Variants in PRKCH observed in about 807,000 individuals in gnomAD.
PRKCH encodes protein kinase C eta, also known as protein kinase C eta type.
PRKCH carries 28 observed loss-of-function variants against 82.5 expected under a neutral mutation model. The observed-to-expected ratio is 0.34, with a 90% confidence interval of 0.25 to 0.47. The LOEUF is 0.47. Ranked by LOEUF, PRKCH falls within the 20% of genes least tolerant of loss-of-function variation. The pLI, the probability that PRKCH is intolerant of heterozygous loss-of-function variation, is 1.00. For synonymous variants in PRKCH, 322 were observed against 327.4 expected (o/e 0.98, Z 0.18); for missense variants, 705 against 881.8 (o/e 0.80, Z 2.54).
At chr14:61,314,618 C>T (rs892497210) in intron 1 of PRKCH, among the ~76,000 whole-genome samples, 1 of 152,194 alleles carries the variant, frequency 6.6e-6, no homozygotes, top group East Asian at 1.9e-4. Flanking sequence ...ATCTCAATCC[C>T]TGGAATCTGT....
intron 1 of PRKCH, among the ~76,000 whole-genome samples, chr14:61,268,815 T>G (rs1457275344): frequency 1.3e-5 from 2 of 152,196 alleles, no homozygotes; most frequent in Non-Finnish European, 2.9e-5. Context: ...GAATGCTAAC[T>G]GGGCATACTT....
chr14:61,432,410 C>T (rs1883451387), intron 2 of PRKCH, among the ~76,000 whole-genome samples: 1 of 152,180 alleles, frequency 6.6e-6, no homozygotes. Flanking sequence ...TCTTCAAGTA[C>T]ATTCTTTATT....
chr14:61,246,010 T>C (rs11628731), intron 1 of PRKCH, among the ~76,000 whole-genome samples: 118,452 of 152,044 alleles, frequency 0.78, 46,983 homozygotes, highest in Non-Finnish European at 0.85. Flanking sequence ...AGACCTGATA[T>C]AAGACCCTCT....
Position 61,321,980 on chromosome 14 carries a change from C to G in PRKCH, c.-122C>G, listed in dbSNP as rs1379723220. 7.2e-6 allele frequency: 8 copies of G among 1,103,726 alleles called. No homozygotes were observed. Among genetic ancestry groups the G allele is most frequent in the Non-Finnish European group, 7.5e-6 (6 of 795,376 alleles). 68.4% of individuals were successfully genotyped at this position (1,103,726 alleles called of 1,614,324 possible). A position where few individuals can be genotyped will look rare whatever the true frequency, so the allele number is the denominator to read the frequency against. On this transcript the variant is annotated 5_prime_UTR_variant, in exon 1 of 14. Coordinates refer to ENST00000332981, the MANE Select transcript of PRKCH (RefSeq NM_006255.5). This position sits in a 1 kb window ranked among gnomAD's most constrained non-coding sequence, Gnocchi z 4.1. ...TGGCCAGTCGAGGGGCGCTTAGGCGCTGCCTTTCCCCAGGGCTGCCTCGAC... is the reference window on the plus strand; with the variant it reads ...TGGCCAGTCGAGGGGCGCTTAGGCGGTGCCTTTCCCCAGGGCTGCCTCGAC...
chr14:61,386,423 A>C (rs745609612), intron 1 of PRKCH, among the ~76,000 whole-genome samples: 6 of 152,182 alleles, frequency 3.9e-5, no homozygotes, highest in Non-Finnish European at 7.3e-5. Flanking sequence ...CCGTTCAGGG[A>C]GGCCAGATGA....
chr14:61,513,897 A>G (rs1293959497), intron 10 of PRKCH, among the ~76,000 whole-genome samples: 2 of 152,114 alleles, frequency 1.3e-5, no homozygotes, highest in African/African-American at 4.8e-5. Flanking sequence ...GATGTGAGAA[A>G]TGTGGAGGGA....
chr14:61,340,339 C>A (rs2045916003), intron 1 of PRKCH, among the ~76,000 whole-genome samples: 1 of 137,042 alleles, frequency 7.3e-6, no homozygotes, highest in Non-Finnish European at 1.5e-5. Flanking sequence ...CCTCATCCCT[C>A]AACCTAGTAA....
intron 10 of PRKCH, among the ~76,000 whole-genome samples, chr14:61,505,943 G>A (rs1003539132): frequency 1.3e-5 from 2 of 152,064 alleles, no homozygotes; most frequent in Non-Finnish European, 2.9e-5. Flanking sequence ...CTAAAGCTCC[G>A]TTAAGAAAGG....
chr14:61,328,985 CA>C (rs112999304), intron 1 of PRKCH, among the ~76,000 whole-genome samples: 1,732 of 117,080 alleles, frequency 0.015, 11 homozygotes, highest in East Asian at 0.034. Context: ...AACCCTGTCT[CA>C]AAAAAAAAAA....
chr14:61,358,243 A>G (rs2046177403), intron 1 of PRKCH, among the ~76,000 whole-genome samples: 1 of 152,196 alleles, frequency 6.6e-6, no homozygotes, highest in African/African-American at 2.4e-5. Flanking sequence ...GGTAGATTGT[A>G]ATGCATTTGT....
In PRKCH at chr14:61,377,291, G is replaced by A. The variant is rs558668252; in HGVS notation, c.364-13934G>A. On this transcript the variant is annotated intron_variant, in intron 1 of 13. Transcript: ENST00000332981. Reference sequence around the variant, plus strand: ...GCTTTTTCTTTTCTTCTTTTCCTGTGCTCTTTCTTGAAAAATTTCACTGCT... The same window carrying A: ...GCTTTTTCTTTTCTTCTTTTCCTGTACTCTTTCTTGAAAAATTTCACTGCT... 4.6e-5 allele frequency among the ~76,000 whole-genome samples: 7 copies of A among 152,018 alleles called. No individual in the cohort carries two copies. In the South Asian group the frequency reaches 8.3e-4, roughly 18 times the overall value.
In PRKCH at chr14:61,350,210, G is replaced by A. The variant is rs115740154; in HGVS notation, c.363+27746G>A. 6.2e-3 allele frequency among the ~76,000 whole-genome samples: 946 copies of A among 152,130 alleles called. 11 individuals are homozygous for A. Among genetic ancestry groups the A allele is most frequent in the African/African-American group, 0.022 (907 of 41,500 alleles). On this transcript the variant is annotated intron_variant, in intron 1 of 13. Transcript: ENST00000332981. ...TTCCTCCACGTCTCCTCCCCTCTCC[G>A]GAATTTCAGGATTTGGATGCATGTG...
At chr14:61,281,074 G>A (rs780886230) in intron 1 of PRKCH, 1 of 1,517,538 alleles carries the variant, frequency 6.6e-7, no homozygotes, top group South Asian at 1.2e-5. Context: ...CGGCTGCCAG[G>A]CGGGGAGGCG....
chr14:61,290,120 T>C (rs1290487104), intron 1 of PRKCH, among the ~76,000 whole-genome samples: 1 of 152,028 alleles, frequency 6.6e-6, no homozygotes, highest in Non-Finnish European at 1.5e-5. Context: ...GGTGAAACCC[T>C]GTCTCTACTA....
chr14:61,227,925 A>G (rs1465699016), intron 1 of PRKCH, among the ~76,000 whole-genome samples: 2 of 152,154 alleles, frequency 1.3e-5, no homozygotes, highest in African/African-American at 4.8e-5. Context: ...TTTTGCTAGC[A>G]ATTTGCTTCT....
chr14:61,405,756 A>G (rs544430270), intron 2 of PRKCH, among the ~76,000 whole-genome samples: 4 of 152,188 alleles, frequency 2.6e-5, no homozygotes, highest in Admixed American at 2.6e-4. Context: ...GATCTCTACT[A>G]AATAACTGGA....
At chr14:61,432,799 C>G (rs959658687) in intron 2 of PRKCH, among the ~76,000 whole-genome samples, 12 of 152,086 alleles carry the variant, frequency 7.9e-5, no homozygotes, top group Admixed American at 4.6e-4. Flanking sequence ...GTTTTGTACT[C>G]CTGGCCTCAA....
At chr14:61,239,505 C>T (rs1213484741) in intron 1 of PRKCH, among the ~76,000 whole-genome samples, 1 of 152,220 alleles carries the variant, frequency 6.6e-6, no homozygotes, top group Non-Finnish European at 1.5e-5. Flanking sequence ...TGGCCTCTCT[C>T]TCCCTCTTCA....
chr14:61,267,750 C>G (rs1224433670), intron 1 of PRKCH, among the ~76,000 whole-genome samples: 1 of 152,100 alleles, frequency 6.6e-6, no homozygotes, highest in African/African-American at 2.4e-5. Flanking sequence ...AATTCAAAAG[C>G]ATTTTTTCCA....
Sources: allele counts gnomAD v4.1 joint callset (sites outside exome capture counted in the v4.1 genomes callset), GRCh38; gene constraint gnomAD v4.1.1; non-coding constraint Gnocchi (gnomAD v3.1); transcripts MANE v1.5; gene names NCBI Gene and HGNC (gene_info 2026-07-23, HGNC 2026-07-21).